Variants in MTUS2 observed in about 807,000 individuals in gnomAD.
MTUS2 encodes the protein microtubule-associated tumor suppressor candidate 2.
In MTUS2, 40 loss-of-function variants were observed where a neutral mutation model predicts 114.1. That is an observed-to-expected ratio of 0.35 (90% CI 0.27 to 0.46). MTUS2 has a LOEUF of 0.46. Ranked by LOEUF, MTUS2 falls within the 20% of genes least tolerant of loss-of-function variation. The pLI is 1.00. For missense variants in MTUS2, 1,679 were observed against 1,705.4 expected (o/e 0.98, Z 0.27); for synonymous variants, 688 against 672.0 (o/e 1.02, Z -0.37).
chr13:29,138,000 G>A (rs1415671126), intron 5 of MTUS2, among the ~76,000 whole-genome samples: 1 of 152,180 alleles, frequency 6.6e-6, no homozygotes, highest in Non-Finnish European at 1.5e-5. Context: ...GAACAACATA[G>A]GGAGGAGGTG....
chr13:29,074,922 A>G (rs1054164430), intron 4 of MTUS2, among the ~76,000 whole-genome samples: 2 of 152,152 alleles, frequency 1.3e-5, no homozygotes, highest in African/African-American at 4.8e-5. Flanking sequence ...TTTTAATCCT[A>G]TCCACAGAGT....
chr13:29,415,084 G>A (rs899720642), intron 8 of MTUS2, among the ~76,000 whole-genome samples: 2 of 150,930 alleles, frequency 1.3e-5, no homozygotes, highest in East Asian at 1.9e-4. Context: ...GAATTTTTCA[G>A]GTGGAAGATC....
intron 4 of MTUS2, among the ~76,000 whole-genome samples, chr13:29,052,585 C>T (rs774582197): frequency 6.6e-6 from 1 of 152,070 alleles, no homozygotes; most frequent in Non-Finnish European, 1.5e-5. Flanking sequence ...CTCTGAATGG[C>T]TTACTGCAAG....
chr13:29,069,378 T>A (rs1365243090), intron 4 of MTUS2, among the ~76,000 whole-genome samples: 1 of 152,158 alleles, frequency 6.6e-6, no homozygotes, highest in African/African-American at 2.4e-5. Context: ...GTTCAATCCG[T>A]CAGGTTGGGC....
intron 2 of MTUS2, among the ~76,000 whole-genome samples, chr13:28,845,577 A>G (rs1045536475): frequency 3.9e-5 from 6 of 152,104 alleles, no homozygotes; most frequent in Non-Finnish European, 7.4e-5. Flanking sequence ...GAAAAAAATT[A>G]TCCTTTATGG....
At chr13:29,470,990 T>G (rs1401129346) in intron 9 of MTUS2, among the ~76,000 whole-genome samples, 4 of 152,220 alleles carry the variant, frequency 2.6e-5, no homozygotes, top group Non-Finnish European at 5.9e-5. Context: ...GGTCTTTCCC[T>G]AGCCTTGCTT....
At chr13:28,924,304 G>A (rs993841454) in intron 2 of MTUS2, among the ~76,000 whole-genome samples, 1 of 152,194 alleles carries the variant, frequency 6.6e-6, no homozygotes, top group African/African-American at 2.4e-5. Context: ...GCATGGAGGA[G>A]CAGGGAAAAG....
At chr13:29,019,347 G>A (rs1426799645) in intron 2 of MTUS2, among the ~76,000 whole-genome samples, 1 of 152,138 alleles carries the variant, frequency 6.6e-6, no homozygotes, top group East Asian at 1.9e-4. Flanking sequence ...GCTAACATTG[G>A]TGTCGATGAA....
At chr13:29,286,682 C>CTATCTATCTATA (rs2139560755) in intron 6 of MTUS2, among the ~76,000 whole-genome samples, 1 of 151,866 alleles carries the variant, frequency 6.6e-6, no homozygotes, top group East Asian at 1.9e-4. Context: ...GTCTATCTAT[C>CTATCTATCTATA]TATCTATCTA....
At chr13:29,437,136 A>G (rs1489054822) in intron 8 of MTUS2, among the ~76,000 whole-genome samples, 2 of 152,308 alleles carry the variant, frequency 1.3e-5, no homozygotes, top group South Asian at 2.1e-4. Flanking sequence ...AGCAGGGGCC[A>G]TGACAGGGAG....
intron 6 of MTUS2, among the ~76,000 whole-genome samples, chr13:29,286,696 A>ATCTATCTATCTATCTATCTC (rs1898505806): frequency 6.6e-6 from 1 of 151,582 alleles, no homozygotes; most frequent in African/African-American, 2.4e-5. Context: ...CTATCTATCT[A>ATCTATCTATCTATCTATCTC]TCTTACTTAT....
chr13:29,163,140 T>C (rs1305701569), intron 5 of MTUS2, among the ~76,000 whole-genome samples: 1 of 152,194 alleles, frequency 6.6e-6, no homozygotes, highest in African/African-American at 2.4e-5. Flanking sequence ...AAAGTCTCAG[T>C]AATCAAGATA....
intron 9 of MTUS2, among the ~76,000 whole-genome samples, chr13:29,441,764 GCACACATTGTACATGTGTGCACA>G (rs1341707277): frequency 6.6e-6 from 1 of 152,100 alleles, no homozygotes; most frequent in Non-Finnish European, 1.5e-5. Flanking sequence ...TCCCGTGCAT[GCACACATTGTACATGTGTGCACA>G]CACACATGCA....
chr13:28,896,850 T>C (rs1313642168), intron 2 of MTUS2, among the ~76,000 whole-genome samples: 1 of 152,226 alleles, frequency 6.6e-6, no homozygotes, highest in African/African-American at 2.4e-5. Flanking sequence ...GCTAGCCTTA[T>C]GTAGAAAGCT....
At chr13:29,174,859 G>GT (rs1893707141) in intron 5 of MTUS2, among the ~76,000 whole-genome samples, 1 of 152,186 alleles carries the variant, frequency 6.6e-6, no homozygotes, top group Non-Finnish European at 1.5e-5. Context: ...ATTTTATAAA[G>GT]TTTAACTATT....
chr13:29,104,401 A>T (rs962200728), intron 5 of MTUS2, among the ~76,000 whole-genome samples: 1 of 151,680 alleles, frequency 6.6e-6, no homozygotes, highest in Non-Finnish European at 1.5e-5. Flanking sequence ...CATGATTTGA[A>T]TATATTTTCT....
chr13:29,252,219 A>G (rs1897145784), intron 5 of MTUS2, among the ~76,000 whole-genome samples: 1 of 152,306 alleles, frequency 6.6e-6, no homozygotes, highest in East Asian at 1.9e-4. Flanking sequence ...ATTACTATTA[A>G]GTAATCCCCT....
At chr13:29,253,693 G>A (rs544935957) in intron 5 of MTUS2, among the ~76,000 whole-genome samples, 10 of 152,224 alleles carry the variant, frequency 6.6e-5, no homozygotes, top group African/African-American at 1.9e-4. Context: ...CTGCTATGAA[G>A]AAATACCTAA....
At chr13:29,313,741 C>A (rs1273288229) in intron 6 of MTUS2, among the ~76,000 whole-genome samples, 2 of 151,946 alleles carry the variant, frequency 1.3e-5, no homozygotes, top group African/African-American at 4.8e-5. Context: ...ACAAAAAGAT[C>A]CAGAGCAAGA....
Sources: allele counts gnomAD v4.1 joint callset (sites outside exome capture counted in the v4.1 genomes callset), GRCh38; gene constraint gnomAD v4.1.1; transcripts MANE v1.5; gene names NCBI Gene and HGNC (gene_info 2026-07-23, HGNC 2026-07-21).